IGSF11: variants seen among roughly 807,000 people sequenced by gnomAD.
IGSF11 encodes the protein immunoglobulin superfamily member 11.
Under a neutral mutation model 41.0 loss-of-function variants are expected in IGSF11, and 22 were observed. The ratio of observed to expected loss-of-function variants is 0.54; its 90% CI spans 0.38 to 0.77. IGSF11 has a LOEUF of 0.77. IGSF11 is among the 30% of genes least tolerant of loss of function. The pLI, the probability that IGSF11 is intolerant of heterozygous loss-of-function variation, is 0.00. For synonymous variants in IGSF11, 219 were observed against 201.3 expected (o/e 1.09, Z -0.74); for missense variants, 444 against 530.8 (o/e 0.84, Z 1.61).
chr3:119,047,272 C>T (rs1181514729), intron 1 of IGSF11, among the ~76,000 whole-genome samples: 4 of 151,998 alleles, frequency 2.6e-5, no homozygotes, highest in Non-Finnish European at 5.9e-5. Flanking sequence ...CAGAGACACA[C>T]ATTGGCTCAA....
At chr3:118,934,579 T>A (rs1943098791) in intron 1 of IGSF11, among the ~76,000 whole-genome samples, 1 of 152,078 alleles carries the variant, frequency 6.6e-6, no homozygotes, top group African/African-American at 2.4e-5. Context: ...ACTCAAAACC[T>A]CTCCTCTTAT....
At position 118,912,501 on chromosome 3, in the gene IGSF11, C is replaced by T. The variant is rs116902250; in HGVS notation, c.581-6783G>A. The stretch of plus-strand genomic sequence containing the variant: ...CTCACTCACCAGTACAGGGCCCAGC[C>T]GCCCGACCACACTCACTGTATGGAC... On this transcript the variant is annotated intron_variant, in intron 4 of 6. Transcript: ENST00000393775. Among the ~76,000 whole-genome samples, 694 of 152,264 alleles carry T rather than the reference C, an allele frequency of 4.6e-3. 19 individuals carry two copies. Among genetic ancestry groups the T allele is most frequent in the East Asian group, 0.032 (166 of 5,184 alleles).
intron 1 of IGSF11, among the ~76,000 whole-genome samples, chr3:118,935,052 G>A: frequency 6.6e-6 from 1 of 151,864 alleles, no homozygotes; most frequent in Non-Finnish European, 1.5e-5. Context: ...CTAGGTCAGA[G>A]TCTCACAAAG....
intron 4 of IGSF11, among the ~76,000 whole-genome samples, chr3:118,912,648 C>T (rs78234023): frequency 3.3e-5 from 5 of 152,062 alleles, no homozygotes; most frequent in Non-Finnish European, 7.4e-5. Flanking sequence ...CCAGGTGAAG[C>T]GTTCACATGA....
At chr3:119,111,344 T>A (rs1391862979) in intron 1 of IGSF11, among the ~76,000 whole-genome samples, 1 of 152,240 alleles carries the variant, frequency 6.6e-6, no homozygotes, top group Non-Finnish European at 1.5e-5. Context: ...ATTCATTTCA[T>A]CTTCCATCAC....
At chr3:119,057,519 A>C (rs1941893651) in intron 1 of IGSF11, among the ~76,000 whole-genome samples, 1 of 152,232 alleles carries the variant, frequency 6.6e-6, no homozygotes, top group Admixed American at 6.5e-5. Flanking sequence ...GGTAGGAAGA[A>C]TTGATATCAT....
At chr3:119,053,756 A>T (rs1941717464) in intron 1 of IGSF11, among the ~76,000 whole-genome samples, 1 of 152,220 alleles carries the variant, frequency 6.6e-6, no homozygotes, top group Non-Finnish European at 1.5e-5. Context: ...ACATTATCCA[A>T]GTTCAAACTA....
chr3:119,080,507 A>C (rs968715446), intron 1 of IGSF11, among the ~76,000 whole-genome samples: 3 of 152,190 alleles, frequency 2.0e-5, no homozygotes, highest in African/African-American at 7.2e-5. Context: ...TAACAGTGGG[A>C]AGTCTTCTGC....
At chr3:118,987,845 C>A (rs1015293637) in intron 1 of IGSF11, among the ~76,000 whole-genome samples, 3 of 152,168 alleles carry the variant, frequency 2.0e-5, no homozygotes, top group African/African-American at 7.2e-5. Context: ...ATCAATAAGA[C>A]CTTCCTAAGG....
intron 1 of IGSF11, among the ~76,000 whole-genome samples, chr3:118,966,091 T>A (rs775557283): frequency 6.6e-6 from 1 of 151,272 alleles, no homozygotes; most frequent in Non-Finnish European, 1.5e-5. Context: ...GTGATGCAAA[T>A]GTAATCAAAA....
chr3:119,117,530 AGG>A, intron 1 of IGSF11, among the ~76,000 whole-genome samples: 1 of 152,300 alleles, frequency 6.6e-6, no homozygotes, highest in Non-Finnish European at 1.5e-5. Flanking sequence ...ATCTCCTACC[AGG>A]TCCCTCCCAC....
In IGSF11 at chr3:119,145,917, G is replaced by A. The variant is rs2077717940; in HGVS notation, c.-118C>T. 1.5e-5 allele frequency: 6 copies of A among 392,466 alleles called. No homozygotes were observed. The East Asian group carries it at 2.8e-4, about 19-fold the overall frequency. 24.3% of individuals were successfully genotyped at this position (392,466 alleles called of 1,614,324 possible). The stretch of plus-strand genomic sequence containing the variant: ...ACGGAGCCCCGTGGCCTGGTTGCTC[G>A]GCAGGGTGAGGAGAAGCTGTAACTG... On this transcript the variant is annotated 5_prime_UTR_variant, in exon 1 of 8. Transcript: ENST00000425327.
At chr3:119,115,934 T>C (rs2077250443) in intron 1 of IGSF11, among the ~76,000 whole-genome samples, 1 of 152,222 alleles carries the variant, frequency 6.6e-6, no homozygotes. Context: ...GGAAAACATT[T>C]TAAGTCTTAA....
chr3:119,081,086 A>G (rs1019763937), intron 1 of IGSF11, among the ~76,000 whole-genome samples: 1 of 152,160 alleles, frequency 6.6e-6, no homozygotes, highest in Non-Finnish European at 1.5e-5. Context: ...GTTGTTTCAC[A>G]TGTTATTTAC....
chr3:119,022,360 A>G (rs1939379866), intron 1 of IGSF11, among the ~76,000 whole-genome samples: 1 of 152,204 alleles, frequency 6.6e-6, no homozygotes, highest in African/African-American at 2.4e-5. Flanking sequence ...ATAGCTGCAC[A>G]ACACTGTGAA....
intron 1 of IGSF11, among the ~76,000 whole-genome samples, chr3:118,933,001 G>T (rs1942977752): frequency 6.6e-6 from 1 of 152,262 alleles, no homozygotes; most frequent in South Asian, 2.1e-4. Context: ...AGGACAAGGA[G>T]CTGTGTGGGA....
chr3:118,969,982 A>ATGAGGAG (rs375266135), intron 1 of IGSF11, among the ~76,000 whole-genome samples: 4,407 of 152,188 alleles, frequency 0.029, 223 homozygotes, highest in African/African-American at 0.1. Flanking sequence ...CTCTGCGCAT[A>ATGAGGAG]CAGGTATCTC....
At chr3:119,117,469 T>C (rs549084947) in intron 1 of IGSF11, among the ~76,000 whole-genome samples, 8 of 152,220 alleles carry the variant, frequency 5.3e-5, no homozygotes, top group African/African-American at 1.9e-4. Flanking sequence ...CTAAGACTTA[T>C]TCACTATCAC....
chr3:118,939,605 C>A, intron 1 of IGSF11, among the ~76,000 whole-genome samples: 1 of 151,476 alleles, frequency 6.6e-6, no homozygotes, highest in East Asian at 1.9e-4. Flanking sequence ...CTAAATAATT[C>A]ACAGGTCAAA....
Sources: gnomAD v4.1 joint callset for allele counts (sites outside exome capture counted in the v4.1 genomes callset) on GRCh38, gnomAD v4.1.1 for gene constraint, MANE v1.5 for transcripts, NCBI Gene and HGNC (gene_info 2026-07-23, HGNC 2026-07-21) for gene names.